Variants in MAGI1 observed in about 807,000 individuals in gnomAD.
MAGI1 encodes membrane associated guanylate kinase, WW and PDZ domain containing 1.
In MAGI1, 58 loss-of-function variants were observed where a neutral mutation model predicts 139.9. That is an observed-to-expected ratio of 0.41 (90% confidence interval 0.34 to 0.52). The LOEUF is 0.52. Ranked by LOEUF, MAGI1 falls within the 20% of genes least tolerant of loss-of-function variation. The probability of loss-of-function intolerance (pLI) is 0.12; values close to 1 mark genes in which losing one functional copy is unlikely to be tolerated. For synonymous variants in MAGI1, 812 were observed against 737.9 expected, an observed-to-expected ratio of 1.10 and a Z score of -1.63; for missense variants, 1,874 against 1,901.6, an observed-to-expected ratio of 0.99 and a Z score of 0.27.
At chr3:65,815,699 ATATCAT>A (rs2041557322) in intron 1 of MAGI1, among the ~76,000 whole-genome samples, 1 of 152,168 alleles carries the variant, frequency 6.6e-6, no homozygotes, top group Non-Finnish European at 1.5e-5. Flanking sequence ...TATTAAAATT[ATATCAT>A]AAAATATATT....
intron 1 of MAGI1, among the ~76,000 whole-genome samples, chr3:66,037,429 C>T (rs1197157858): frequency 1.3e-5 from 2 of 152,110 alleles, no homozygotes; most frequent in Non-Finnish European, 2.9e-5. Flanking sequence ...GAGACACATG[C>T]GTCATCCGGC....
intron 1 of MAGI1, among the ~76,000 whole-genome samples, chr3:66,001,942 C>CCT (rs1226106080): frequency 6.6e-6 from 1 of 152,198 alleles, no homozygotes; most frequent in Non-Finnish European, 1.5e-5. Context: ...CTTCCCCTTG[C>CCT]CTCAGTACTT....
intron 1 of MAGI1, among the ~76,000 whole-genome samples, chr3:65,787,336 A>C (rs1390241): frequency 0.46 from 70,129 of 151,576 alleles, 16,366 homozygotes; most frequent in Admixed American, 0.59. Context: ...ATAGTATAAA[A>C]GAAACCGGAT....
At chr3:65,487,200 TTCTTGA>T (rs1402768377) in intron 3 of MAGI1, among the ~76,000 whole-genome samples, 1 of 152,228 alleles carries the variant, frequency 6.6e-6, no homozygotes, top group Non-Finnish European at 1.5e-5. Flanking sequence ...GAGGTACTTT[TTCTTGA>T]TTCCACAGAC....
At chr3:65,462,049 G>A (rs1221762062) in intron 5 of MAGI1, among the ~76,000 whole-genome samples, 1 of 151,984 alleles carries the variant, frequency 6.6e-6, no homozygotes, top group African/African-American at 2.4e-5. Flanking sequence ...TTCCAAACAT[G>A]TTCTCCCATT....
At chr3:65,436,434 A>G (rs979286617) in intron 10 of MAGI1, among the ~76,000 whole-genome samples, 4 of 152,132 alleles carry the variant, frequency 2.6e-5, no homozygotes, top group African/African-American at 9.7e-5. Flanking sequence ...GGAGCTTCCA[A>G]TTTTCAAGAA....
At chr3:65,987,521 T>C (rs888910840) in intron 1 of MAGI1, among the ~76,000 whole-genome samples, 2 of 152,142 alleles carry the variant, frequency 1.3e-5, no homozygotes, top group Non-Finnish European at 2.9e-5. Context: ...GTGCAAAATT[T>C]AAGAGGCACC....
At chr3:65,402,848 C>T (rs1275396568) in intron 12 of MAGI1, among the ~76,000 whole-genome samples, 2 of 152,072 alleles carry the variant, frequency 1.3e-5, no homozygotes, top group African/African-American at 4.8e-5. Flanking sequence ...TTCCTTGCAT[C>T]ACCAAAATGA....
At chr3:65,570,274 A>G (rs1576351382) in intron 2 of MAGI1, among the ~76,000 whole-genome samples, 1 of 151,646 alleles carries the variant, frequency 6.6e-6, no homozygotes, top group African/African-American at 2.4e-5. Flanking sequence ...GCTAATTTTT[A>G]TGTTTTTAGT....
At chr3:65,469,407 C>T (rs1294005739) in intron 5 of MAGI1, among the ~76,000 whole-genome samples, 3 of 151,824 alleles carry the variant, frequency 2.0e-5, no homozygotes, top group South Asian at 2.1e-4. Flanking sequence ...AGTCAAAATA[C>T]TGCATTTAAA....
In MAGI1 at chr3:66,018,113, T is replaced by TGGGCG. The variant is rs1156661642; in HGVS notation, c.313+19882_313+19883insCGCCC. On this transcript the variant is annotated intron_variant, in intron 1 of 22. Coordinates refer to ENST00000402939, the MANE Select transcript of MAGI1 (RefSeq NM_001033057.2). ...ACAAAGATAAGGAAGGACACTTTGG[T>TGGGCG]GGGGGGGGGGGGTGTCTGCACATGC... is the stretch of plus-strand genomic sequence containing the variant. Among the ~76,000 whole-genome samples the TGGGCG allele has an allele frequency of 5.2e-5, 3 of 57,654 alleles. No homozygotes were observed. In the South Asian group the frequency reaches 1.9e-3, roughly 37 times the overall value. 37.8% of individuals were successfully genotyped at this position (57,654 alleles called of 152,430 possible).
chr3:65,659,052 C>T (rs1315259903), intron 1 of MAGI1, among the ~76,000 whole-genome samples: 5 of 152,082 alleles, frequency 3.3e-5, no homozygotes, highest in Admixed American at 3.3e-4. Context: ...ATTTTTATTC[C>T]TATTTTATAG....
chr3:65,677,198 T>A (rs1576689851), intron 1 of MAGI1, among the ~76,000 whole-genome samples: 1 of 152,304 alleles, frequency 6.6e-6, no homozygotes, highest in Middle Eastern at 3.4e-3. Context: ...GATAAACATT[T>A]AGGATTTTTT....
intron 1 of MAGI1, among the ~76,000 whole-genome samples, chr3:65,996,917 C>T (rs1161960423): frequency 6.6e-6 from 1 of 152,234 alleles, no homozygotes; most frequent in Admixed American, 6.5e-5. Flanking sequence ...TTGTGGTTGT[C>T]ATACACGAAT....
At chr3:65,527,136 G>A (rs971270149) in intron 2 of MAGI1, among the ~76,000 whole-genome samples, 4 of 152,202 alleles carry the variant, frequency 2.6e-5, no homozygotes, top group Non-Finnish European at 4.4e-5. Context: ...AGATTGCAGA[G>A]GATGAGCAAC....
intron 1 of MAGI1, among the ~76,000 whole-genome samples, chr3:65,784,470 C>T (rs182283372): frequency 1.1e-3 from 170 of 152,348 alleles, no homozygotes; most frequent in Non-Finnish European, 1.5e-3. Flanking sequence ...GTAATCCCAG[C>T]ACTTTGGGAG....
At chr3:66,033,991 T>C (rs2068778876) in intron 1 of MAGI1, among the ~76,000 whole-genome samples, 2 of 152,190 alleles carry the variant, frequency 1.3e-5, no homozygotes, top group Non-Finnish European at 2.9e-5. Flanking sequence ...TGGCAGAGCT[T>C]ATTCTAGAAC....
chr3:65,873,623 G>A (rs2060012331), intron 1 of MAGI1: 1 of 152,192 alleles, frequency 6.6e-6, no homozygotes, highest in Non-Finnish European at 1.5e-5. Context: ...ATTACACTTT[G>A]TGGGAGAGAA....
At chr3:65,936,948 ATGGTGATGGTGG>A (rs1560032115) in intron 1 of MAGI1, among the ~76,000 whole-genome samples, 61 of 147,698 alleles carry the variant, frequency 4.1e-4, no homozygotes, top group African/African-American at 1.4e-3. Flanking sequence ...GGTGGTGGTG[ATGGTGATGGTGG>A]TGGTGGTGGT....
Sources: allele counts gnomAD v4.1 joint callset (sites outside exome capture counted in the v4.1 genomes callset), GRCh38; gene constraint gnomAD v4.1.1; transcripts MANE v1.5; gene names NCBI Gene and HGNC (gene_info 2026-07-23, HGNC 2026-07-21).